Variants in BZW2 observed in about 807,000 individuals in gnomAD.
BZW2 encodes the protein eIF5-mimic protein 1.
Under a neutral mutation model 53.2 loss-of-function variants are expected in BZW2, and 23 were observed. That is an observed-to-expected ratio of 0.43 (90% confidence interval 0.31 to 0.61). BZW2 has a LOEUF of 0.61. Ranked by LOEUF, BZW2 falls within the 20% of genes least tolerant of loss-of-function variation. The pLI, the probability that BZW2 is intolerant of heterozygous loss-of-function variation, is 0.09. For missense variants in BZW2, 409 were observed against 503.1 expected (o/e 0.81, Z 1.79); for synonymous variants, 227 against 186.4 (o/e 1.22, Z -1.77).
At chr7:16,705,920 A>T in intron 11 of BZW2, 140 bp from the exon 12 acceptor site, 1 of 909,358 alleles carries the variant, frequency 1.1e-6, no homozygotes. Context: ...CCCTCATGTG[A>T]CTATTTTACC....
At chr7:16,647,072 C>T (rs1191417031) in intron 1 of BZW2, among the ~76,000 whole-genome samples, 1 of 152,096 alleles carries the variant, frequency 6.6e-6, no homozygotes, top group East Asian at 1.9e-4. Context: ...AATATGTAGC[C>T]TGGAGCTTCG....
intron 1 of BZW2, among the ~76,000 whole-genome samples, chr7:16,657,471 G>T (rs1442920028): frequency 6.6e-6 from 1 of 152,054 alleles, no homozygotes; most frequent in Non-Finnish European, 1.5e-5. Context: ...ATATCCTAAA[G>T]TAGAAAAAGT....
intron 10 of BZW2, among the ~76,000 whole-genome samples, chr7:16,699,882 A>G (rs1783616454): frequency 1.3e-5 from 2 of 152,198 alleles, no homozygotes; most frequent in Non-Finnish European, 2.9e-5. Flanking sequence ...TCAGCCCCAG[A>G]TGCTAAGGGT....
At chr7:16,658,397 T>G (rs1444008616) in intron 1 of BZW2, among the ~76,000 whole-genome samples, 1 of 152,174 alleles carries the variant, frequency 6.6e-6, no homozygotes, top group Non-Finnish European at 1.5e-5. Flanking sequence ...AAAAGGAAAT[T>G]TTAAAAACAA....
At chr7:16,684,457 G>A (rs1198192091) in intron 5 of BZW2, among the ~76,000 whole-genome samples, 1 of 152,130 alleles carries the variant, frequency 6.6e-6, no homozygotes, top group Non-Finnish European at 1.5e-5. Context: ...ATTGAGCAAT[G>A]TGGTTATTAT....
At chr7:16,697,392 A>G (rs180683915) in intron 9 of BZW2, among the ~76,000 whole-genome samples, 22 of 152,244 alleles carry the variant, frequency 1.4e-4, no homozygotes, top group Admixed American at 2.6e-4. Context: ...GCCGGGCCCA[A>G]ATTTGTCTTA....
intron 10 of BZW2, among the ~76,000 whole-genome samples, chr7:16,699,788 A>T (rs897061850): frequency 6.6e-6 from 1 of 152,076 alleles, no homozygotes; most frequent in African/African-American, 2.4e-5. Context: ...ACTAATGCCA[A>T]CCTCCTTTTC....
intron 1 of BZW2, among the ~76,000 whole-genome samples, chr7:16,656,555 GCACACA>G (rs376412401): frequency 0.021 from 2,900 of 141,250 alleles, 38 homozygotes; most frequent in South Asian, 0.032. Flanking sequence ...GCGCGCGCGC[GCACACA>G]CACACACACA....
intron 2 of BZW2, among the ~76,000 whole-genome samples, chr7:16,666,555 A>C (rs992795759): frequency 6.6e-6 from 1 of 152,170 alleles, no homozygotes; most frequent in Non-Finnish European, 1.5e-5. Context: ...GGCAACCGCC[A>C]TCATACCCAG....
intron 2 of BZW2, among the ~76,000 whole-genome samples, chr7:16,666,689 A>T (rs1454395119): frequency 1.3e-5 from 2 of 151,816 alleles, no homozygotes; most frequent in Non-Finnish European, 2.9e-5. Flanking sequence ...TTTATTTTTG[A>T]AATAGGGTCT....
intron 11 of BZW2, among the ~76,000 whole-genome samples, chr7:16,705,685 A>T (rs1783830907): frequency 7.6e-6 from 1 of 131,526 alleles, no homozygotes; most frequent in Admixed American, 7.4e-5. Flanking sequence ...ACTCCATCTC[A>T]AAAAAAAAAA....
At chr7:16,665,321 A>T in intron 1 of BZW2, 116 bp from the exon 2 acceptor site, 1 of 1,168,946 alleles carries the variant, frequency 8.6e-7, no homozygotes, top group African/African-American at 1.5e-5. Flanking sequence ...AAAAAAAAAG[A>T]GGCATATTCA....
intron 3 of BZW2, among the ~76,000 whole-genome samples, chr7:16,679,350 T>C (rs1382648852): frequency 6.6e-6 from 1 of 152,244 alleles, no homozygotes; most frequent in Non-Finnish European, 1.5e-5. Flanking sequence ...TGCCGTGGCT[T>C]CAGCCGGTCC....
At chr7:16,652,173 A>G (rs1472636481) in intron 1 of BZW2, among the ~76,000 whole-genome samples, 1 of 152,164 alleles carries the variant, frequency 6.6e-6, no homozygotes, top group Non-Finnish European at 1.5e-5. Context: ...CCTTATCTGA[A>G]GGTTAGCTTA....
At chr7:16,646,744 C>T (rs1781874986) in intron 1 of BZW2, among the ~76,000 whole-genome samples, 1 of 152,216 alleles carries the variant, frequency 6.6e-6, no homozygotes, top group African/African-American at 2.4e-5. Context: ...TCCTCGCCCT[C>T]CCCACTACTT....
intron 1 of BZW2, among the ~76,000 whole-genome samples, chr7:16,649,276 T>C (rs1027131954): frequency 2.0e-5 from 3 of 152,192 alleles, no homozygotes; most frequent in African/African-American, 7.2e-5. Flanking sequence ...TTGCACCTAG[T>C]GTATGCTCAG....
At chr7:16,665,037 C>T (rs1011420553) in intron 1 of BZW2, among the ~76,000 whole-genome samples, 6 of 152,110 alleles carry the variant, frequency 3.9e-5, no homozygotes, top group African/African-American at 1.2e-4. Context: ...TTATGCCGGG[C>T]GCCGTGGCTC....
At chr7:16,667,456 C>T (rs902045069) in intron 2 of BZW2, among the ~76,000 whole-genome samples, 1 of 152,202 alleles carries the variant, frequency 6.6e-6, no homozygotes, top group Non-Finnish European at 1.5e-5. Flanking sequence ...ATGTAATGAT[C>T]TTGCAGGACT....
intron 2 of BZW2, among the ~76,000 whole-genome samples, chr7:16,673,988 C>T (rs1782689043): frequency 6.6e-6 from 1 of 152,362 alleles, no homozygotes; most frequent in African/African-American, 2.4e-5. Context: ...CAACCTCCAC[C>T]TCCTGGGTTC....
Sources: allele counts gnomAD v4.1 joint callset (sites outside exome capture counted in the v4.1 genomes callset), GRCh38; gene constraint gnomAD v4.1.1; transcripts MANE v1.5; gene names NCBI Gene and HGNC (gene_info 2026-07-23, HGNC 2026-07-21).